The following FGD5 variants were observed in gnomAD, a reference collection of about 807,000 sequenced individuals.
FGD5 encodes the protein FYVE, RhoGEF and PH domain-containing protein 5.
A neutral mutation model predicts 133.4 loss-of-function variants in FGD5; 28 were observed. The ratio of observed to expected loss-of-function variants is 0.21; its 90% CI spans 0.16 to 0.29. The LOEUF (loss-of-function observed/expected upper bound fraction) is 0.29, where lower values mean the gene tolerates loss of function less well. FGD5 is among the 10% of genes least tolerant of loss of function. FGD5 has a pLI of 1.00. For synonymous variants in FGD5, 810 were observed against 776.5 expected, an observed-to-expected ratio of 1.04 and a Z score of -0.72; for missense variants, 1,858 against 1,895.2, an observed-to-expected ratio of 0.98 and a Z score of 0.36.
chr3:14,863,919 C>T (rs10510433), intron 1 of FGD5, among the ~76,000 whole-genome samples: 14,188 of 152,230 alleles, frequency 0.093, 827 homozygotes, highest in East Asian at 0.3. Flanking sequence ...TCTGTCTTAA[C>T]GTGTGCCAAG....
chr3:14,855,713 T>G (rs61491346), intron 1 of FGD5, among the ~76,000 whole-genome samples: 2,517 of 152,042 alleles, frequency 0.017, 62 homozygotes, highest in African/African-American at 0.056. Flanking sequence ...GATTGGGTTT[T>G]TGTGTGTGTG....
intron 17 of FGD5, among the ~76,000 whole-genome samples, chr3:14,924,840 G>A (rs1575263992): frequency 1.3e-5 from 2 of 152,202 alleles, no homozygotes; most frequent in East Asian, 3.9e-4. Context: ...GGTGGCTCAC[G>A]CCTGTAATCC....
intron 1 of FGD5, among the ~76,000 whole-genome samples, chr3:14,844,209 AAAAAAAAAATATATATATAT>A (rs1314720724): frequency 4.5e-4 from 12 of 26,906 alleles, no homozygotes; most frequent in Admixed American, 2.8e-3. Flanking sequence ...GGCATTAAAA[AAAAAAAAAATATATATATAT>A]ATATATATAT....
chr3:14,893,249 AAGAGCAAATC>A (rs752967585), intron 4 of FGD5, among the ~76,000 whole-genome samples: 25 of 152,204 alleles, frequency 1.6e-4, no homozygotes, highest in Non-Finnish European at 7.3e-5. Flanking sequence ...ATAATTTGTA[AAGAGCAAATC>A]AGTGTACTTG....
rs372992733 is a variant in FGD5 at position 14,820,962 on chromosome 3, A to G, written c.1891A>G (p.Lys631Glu). The G allele has an allele frequency of 2.0e-5, 33 of 1,613,724 alleles. No individual in the cohort carries two copies. The highest frequency in any genetic ancestry group is 8.3e-5 in the Admixed American group (5 of 59,992). The change falls in exon 1 of 20, where the codon AAG becomes GAG. Residue 631 changes from lysine to glutamate, a missense_variant. By Grantham distance (56) the Lys-to-Glu change is moderately conservative (BLOSUM62 1). Coordinates refer to ENST00000285046, the MANE Select transcript of FGD5 (RefSeq NM_152536.4). The stretch of plus-strand genomic sequence containing the variant: ...CTGCATCACCAAGAAGCCCATCACA[A>G]AGAGCTCTCCCTCACTCCTGATCGA... ...LACITKKPIT[K>E]SSPSLLIESD...
intron 1 of FGD5, among the ~76,000 whole-genome samples, chr3:14,855,217 G>A (rs1438119889): frequency 2.0e-5 from 3 of 152,148 alleles, no homozygotes; most frequent in African/African-American, 4.8e-5. Flanking sequence ...TGGCTGAATA[G>A]TGTTCCGTTG....
At chr3:14,875,875 AC>A (rs148780726) in intron 2 of FGD5, among the ~76,000 whole-genome samples, 2,519 of 152,124 alleles carry the variant, frequency 0.017, 60 homozygotes, top group African/African-American at 0.056. Context: ...GTGCCCAGTG[AC>A]CACAGGTGCA....
At chr3:14,821,993 G>A (rs1220981808) in intron 1 of FGD5, among the ~76,000 whole-genome samples, 2 of 152,022 alleles carry the variant, frequency 1.3e-5, no homozygotes, top group Non-Finnish European at 2.9e-5. Flanking sequence ...CCAGCTGCTC[G>A]GGAGGCTGAG....
chr3:14,903,120 A>G (rs570536020), intron 9 of FGD5, among the ~76,000 whole-genome samples: 2 of 152,298 alleles, frequency 1.3e-5, no homozygotes, highest in African/African-American at 2.4e-5. Context: ...TGCAGCTGTC[A>G]TCCCATTCAT....
At chr3:14,824,269 C>T (rs566895702) in intron 1 of FGD5, among the ~76,000 whole-genome samples, 2 of 152,312 alleles carry the variant, frequency 1.3e-5, no homozygotes, top group South Asian at 2.1e-4. Flanking sequence ...AGACGCATAT[C>T]GCCAAGAGGC....
intron 7 of FGD5, among the ~76,000 whole-genome samples, chr3:14,899,216 C>G (rs192673): frequency 2.0e-5 from 3 of 152,228 alleles, no homozygotes; most frequent in South Asian, 2.1e-4. Context: ...TCCTGCTTCT[C>G]GAGTCCTTTC....
chr3:14,901,168 G>A (rs293906), intron 9 of FGD5, 107 bp downstream of exon 9: 972,751 of 1,186,608 alleles, frequency 0.82, 400,529 homozygotes, highest in East Asian at 0.99. Flanking sequence ...GCAGGCAACC[G>A]TCTCTCTTGT....
intron 18 of FGD5, among the ~76,000 whole-genome samples, chr3:14,929,773 T>C (rs1037538846): frequency 1.3e-5 from 2 of 152,242 alleles, no homozygotes; most frequent in East Asian, 3.8e-4. Context: ...ATAAATGTTT[T>C]ACAAATATTC....
At chr3:14,864,469 A>G (rs1208851504) in intron 2 of FGD5, among the ~76,000 whole-genome samples, 1 of 152,206 alleles carries the variant, frequency 6.6e-6, no homozygotes, top group Non-Finnish European at 1.5e-5. Context: ...GCAACTGCTC[A>G]TGCCGGTATT....
chr3:14,817,196 T>C (rs1053621253), upstream of FGD5, among the ~76,000 whole-genome samples: 5 of 152,208 alleles, frequency 3.3e-5, no homozygotes, highest in Non-Finnish European at 5.9e-5. Flanking sequence ...TCGTTAAAAT[T>C]ACTTTTACTT....
chr3:14,859,473 A>C (rs1443773069), intron 1 of FGD5, among the ~76,000 whole-genome samples: 1 of 151,992 alleles, frequency 6.6e-6, no homozygotes. Context: ...CTCAAGAATC[A>C]CTTGAACCTA....
intron 1 of FGD5, among the ~76,000 whole-genome samples, chr3:14,852,914 G>A (rs970087443): frequency 1.3e-5 from 2 of 152,160 alleles, no homozygotes; most frequent in African/African-American, 4.8e-5. Context: ...GGATGTGTGT[G>A]TCTGGTCTCA....
intron 9 of FGD5, among the ~76,000 whole-genome samples, chr3:14,905,626 C>G (rs293914): frequency 0.083 from 12,591 of 152,034 alleles, 962 homozygotes; most frequent in East Asian, 0.41. Flanking sequence ...CCATTGGACG[C>G]TCACGTATGG....
intron 1 of FGD5, among the ~76,000 whole-genome samples, chr3:14,859,763 G>A (rs1403436213): frequency 6.6e-6 from 1 of 151,886 alleles, no homozygotes; most frequent in Non-Finnish European, 1.5e-5. Flanking sequence ...CATTTCCTTT[G>A]TTTTGTTTTG....
Sources: gnomAD v4.1 joint callset for allele counts (sites outside exome capture counted in the v4.1 genomes callset) on GRCh38, gnomAD v4.1.1 for gene constraint, MANE v1.5 for transcripts, NCBI Gene and HGNC (gene_info 2026-07-23, HGNC 2026-07-21) for gene names.